Variants in MACROD2 observed in about 807,000 individuals in gnomAD.
MACROD2 encodes ADP-ribose glycohydrolase MACROD2.
In MACROD2, 36 loss-of-function variants were observed where a neutral mutation model predicts 70.4. That is an observed-to-expected ratio of 0.51 (90% CI 0.39 to 0.68). MACROD2 has a LOEUF of 0.68. Ranked by LOEUF, MACROD2 falls within the 30% of genes least tolerant of loss-of-function variation. The pLI, the probability that MACROD2 is intolerant of heterozygous loss-of-function variation, is 0.00. For missense variants in MACROD2, 496 were observed against 538.4 expected, an observed-to-expected ratio of 0.92 and a Z score of 0.78; for synonymous variants, 172 against 178.8, an observed-to-expected ratio of 0.96 and a Z score of 0.30.
chr20:15,145,706 G>T (rs867114058), intron 5 of MACROD2, among the ~76,000 whole-genome samples: 1 of 152,048 alleles, frequency 6.6e-6, no homozygotes, highest in Non-Finnish European at 1.5e-5. Flanking sequence ...GACTGAAAAT[G>T]TGCAAATAAC....
chr20:15,253,567 G>A (rs570739863), intron 6 of MACROD2, among the ~76,000 whole-genome samples: 14 of 152,288 alleles, frequency 9.2e-5, no homozygotes, highest in Non-Finnish European at 1.8e-4. Flanking sequence ...GAACACTAGC[G>A]TAATAAGTTA....
At position 14,574,432 on chromosome 20, in the gene MACROD2, T is replaced by G. The variant is rs371470078; in HGVS notation, c.301+80924T>G. Among the ~76,000 whole-genome samples, 41 of 152,236 alleles carry G rather than the reference T, an allele frequency of 2.7e-4. No homozygotes were observed. In the East Asian group the frequency reaches 7.7e-3, roughly 29 times the overall value. On this transcript the variant is annotated intron_variant, in intron 4 of 17. Coordinates refer to ENST00000684519, the MANE Select transcript of MACROD2 (RefSeq NM_001351661.2). ...TATATGCTAAGGTCTGTAGGGATAA[T>G]TGGCAATAAATATAAGCAGTTATCT...
intron 6 of MACROD2, among the ~76,000 whole-genome samples, chr20:15,238,943 A>G (rs1001488947): frequency 1.3e-5 from 2 of 152,186 alleles, no homozygotes; most frequent in African/African-American, 2.4e-5. Flanking sequence ...TTGTATAGAA[A>G]CAGTAAAGAG....
At chr20:14,345,681 TG>T (rs1284485672) in intron 3 of MACROD2, among the ~76,000 whole-genome samples, 2 of 152,098 alleles carry the variant, frequency 1.3e-5, no homozygotes, top group African/African-American at 4.8e-5. Context: ...CTGCCAGCGT[TG>T]GCCTCCCAAA....
intron 4 of MACROD2, chr20:14,547,307 G>T: frequency 3.6e-6 from 1 of 278,504 alleles, no homozygotes; most frequent in South Asian, 7.4e-5. Context: ...ATGCATGGCA[G>T]AAACTGAATC....
intron 8 of MACROD2, among the ~76,000 whole-genome samples, chr20:15,656,748 T>A (rs1600720165): frequency 1.3e-5 from 2 of 152,156 alleles, no homozygotes; most frequent in African/African-American, 4.8e-5. Context: ...AGCATGCAGA[T>A]GCTCCCAAAT....
chr20:15,398,209 C>CT (rs754042540), intron 6 of MACROD2, among the ~76,000 whole-genome samples: 1 of 152,166 alleles, frequency 6.6e-6, no homozygotes, highest in Admixed American at 6.5e-5. Flanking sequence ...TTCCTATCTA[C>CT]TTTTTGATTT....
At chr20:16,010,692 G>T (rs2066851935) in intron 15 of MACROD2, among the ~76,000 whole-genome samples, 1 of 152,122 alleles carries the variant, frequency 6.6e-6, no homozygotes, top group Admixed American at 6.5e-5. Context: ...ATCCTTCAGA[G>T]CTTAGAGTCT....
rs528626921 is a variant in MACROD2, at chr20:15,169,413, C to CT, written c.419-60521dup. On this transcript the variant is annotated intron_variant, in intron 5 of 17. Transcript: ENST00000684519. ...GCTGGAGATTTTCAGTTTTTATAGT[C>CT]TTTTTTGGCCTCTGGATTGCTAGAG... 2.0e-3 allele frequency among the ~76,000 whole-genome samples: 303 copies of CT among 152,176 alleles called. 1 individual carries two copies. The South Asian group carries it at 0.024, about 12-fold the overall frequency.
chr20:15,899,220 A>G lies in MACROD2; in HGVS notation c.775+13409A>G, dbSNP rs115831796. ...TTTACTTATCTAATCACACAGACAT[A>G]TATGTATATATGTATATGTGTGTAT... On this transcript the variant is annotated intron_variant, in intron 10 of 17. Transcript: ENST00000684519. 2.2e-3 allele frequency among the ~76,000 whole-genome samples: 339 copies of G among 152,184 alleles called. 1 individual carries two copies. Among genetic ancestry groups the G allele is most frequent in the African/African-American group, 7.9e-3 (328 of 41,556 alleles).
intron 3 of MACROD2, among the ~76,000 whole-genome samples, chr20:14,121,141 A>C (rs1013368271): frequency 5.4e-4 from 83 of 152,308 alleles, no homozygotes; most frequent in Middle Eastern, 3.4e-3. Flanking sequence ...GGAAGCATGG[A>C]AATGAGAAAA....
intron 8 of MACROD2, among the ~76,000 whole-genome samples, chr20:15,707,485 T>C (rs1271961823): frequency 6.6e-6 from 1 of 152,110 alleles, no homozygotes; most frequent in Non-Finnish European, 1.5e-5. Context: ...GGGAAAGATA[T>C]CAAAACATGT....
intron 3 of MACROD2, among the ~76,000 whole-genome samples, chr20:14,350,147 G>C (rs1469393158): frequency 6.6e-6 from 1 of 152,128 alleles, no homozygotes; most frequent in Non-Finnish European, 1.5e-5. Flanking sequence ...CTCTTAGGTT[G>C]CTTCCAAATC....
At chr20:16,023,981 G>A (rs957001998) in intron 15 of MACROD2, among the ~76,000 whole-genome samples, 1 of 152,200 alleles carries the variant, frequency 6.6e-6, no homozygotes, top group African/African-American at 2.4e-5. Flanking sequence ...TACCATCAGA[G>A]TGCAGAGATA....
At chr20:14,584,513 C>T (rs539349095) in intron 4 of MACROD2, among the ~76,000 whole-genome samples, 1 of 152,128 alleles carries the variant, frequency 6.6e-6, no homozygotes, top group Non-Finnish European at 1.5e-5. Context: ...TTTTTGTATT[C>T]TTGCATGGCA....
chr20:14,499,712 C>T (rs2084895247), intron 4 of MACROD2, among the ~76,000 whole-genome samples: 1 of 151,924 alleles, frequency 6.6e-6, no homozygotes. Flanking sequence ...CTACCTTTGC[C>T]CTCCCTCCTT....
In MACROD2 at chr20:16,049,852, G is replaced by A; in HGVS notation, c.1323G>A (p.Lys441=). ...CAGCAGGGGCACAAGATGAAGCGAA[G>A]GAACAAAGAAATGGAACTAAATGAC... ...QLIAGAQDEA[K]EQRNGTK The change falls in exon 18 of 18, where the codon AAG becomes AAA. Residue 441 remains lysine (K), a synonymous_variant. Coordinates refer to ENST00000684519, the MANE Select transcript of MACROD2 (RefSeq NM_001351661.2). 6.3e-7 allele frequency: 1 copy of A among 1,592,080 alleles called. No homozygotes were observed. The highest frequency in any genetic ancestry group is 2.3e-5 in the East Asian group (1 of 43,226).
Position 15,899,458 on chromosome 20 carries a change from C to T in MACROD2, c.775+13647C>T, listed in dbSNP as rs73597709. ...TTGGGTTTTGGAGAGTTTAATATTG[C>T]ACTTTCTAAATTTATGTGTAATTGA... On this transcript the variant is annotated intron_variant, in intron 10 of 17. Transcript: ENST00000684519. Among the ~76,000 whole-genome samples, 592 of 152,208 alleles carry T rather than the reference C, an allele frequency of 3.9e-3. 2 individuals are homozygous for T. Among genetic ancestry groups the T allele is most frequent in the South Asian group, 0.023 (113 of 4,818 alleles).
chr20:15,089,437 A>G (rs1442374276), intron 5 of MACROD2, among the ~76,000 whole-genome samples: 3 of 152,122 alleles, frequency 2.0e-5, no homozygotes. Flanking sequence ...GATTGTACCA[A>G]GTTCTGGAAG....
Sources: gnomAD v4.1 joint callset for allele counts (sites outside exome capture counted in the v4.1 genomes callset) on GRCh38, gnomAD v4.1.1 for gene constraint, MANE v1.5 for transcripts, NCBI Gene and HGNC (gene_info 2026-07-23, HGNC 2026-07-21) for gene names.